GLYR1: variants seen among roughly 807,000 people sequenced by gnomAD.
GLYR1 encodes cytokine-like nuclear factor N-PAC.
In GLYR1, 21 loss-of-function variants were observed where a neutral mutation model predicts 72.7. The observed-to-expected ratio is 0.29, with a 90% CI of 0.20 to 0.42. GLYR1 has a LOEUF of 0.42. GLYR1 is among the 10% of genes least tolerant of loss of function. The probability of loss-of-function intolerance (pLI) is 1.00; values close to 1 mark genes in which losing one functional copy is unlikely to be tolerated. For missense variants in GLYR1, 594 were observed against 712.1 expected (o/e 0.83, Z 1.89); for synonymous variants, 392 against 270.2 (o/e 1.45, Z -4.42).
At chr16:4,834,462 C>T (rs183455787) in intron 3 of GLYR1, among the ~76,000 whole-genome samples, 14 of 151,180 alleles carry the variant, frequency 9.3e-5, no homozygotes, top group Non-Finnish European at 1.6e-4. Context: ...CCACACCTGG[C>T]CTTTTTTTTT....
intron 3 of GLYR1, among the ~76,000 whole-genome samples, chr16:4,835,093 C>G (rs1335072545): frequency 1.3e-5 from 2 of 152,128 alleles, no homozygotes; most frequent in African/African-American, 4.8e-5. Context: ...GAGAACCACA[C>G]AAGTTCCCAA....
At chr16:4,814,012 T>A (rs1219152987) in intron 11 of GLYR1, 174 bp from the exon 12 acceptor site, 1 of 495,860 alleles carries the variant, frequency 2.0e-6, no homozygotes, top group Admixed American at 3.7e-5. Context: ...TCCCGCATGC[T>A]CCCATTTATC....
rs760149977 is a variant in GLYR1, at chr16:4,837,935, A to T, written c.156-5023T>A. ...ACAGAGCGAGACTCCATCTCAAAAA[A>T]TAAATAAATAAATAAATAAATAAAT... On this transcript the variant is annotated intron_variant, in intron 3 of 15. Coordinates refer to ENST00000321919, the MANE Select transcript of GLYR1 (RefSeq NM_032569.4). 6.4e-4 allele frequency among the ~76,000 whole-genome samples: 42 copies of T among 65,648 alleles called. 2 individuals are homozygous for T. The South Asian group carries it at 0.012, about 19-fold the overall frequency. The allele number at this position is 65,648 out of a possible 152,430, so 43.1% of individuals were successfully genotyped here.
chr16:4,816,657 T>C (rs986064139), intron 10 of GLYR1, among the ~76,000 whole-genome samples: 2 of 152,152 alleles, frequency 1.3e-5, no homozygotes, highest in Non-Finnish European at 1.5e-5. Context: ...CAAAGATCTA[T>C]GTTAGTATTT....
At chr16:4,828,775 G>A (rs189737932) in intron 5 of GLYR1, among the ~76,000 whole-genome samples, 43 of 152,186 alleles carry the variant, frequency 2.8e-4, no homozygotes, top group African/African-American at 9.9e-4. Flanking sequence ...TCCTAACGAT[G>A]AGACAAGGAA....
In GLYR1 at chr16:4,813,730, C is replaced by A; in HGVS notation, c.1119+7G>T. On this transcript the variant is annotated splice_region_variant and intron_variant, in intron 12 of 15. Coordinates refer to ENST00000321919, the MANE Select transcript of GLYR1 (RefSeq NM_032569.4). The stretch of plus-strand genomic sequence containing the variant: ...TGCTGGAGAGCCAGCCCAAGGAAGG[C>A]TGCTACCTGGGCCAGCTCAGTGACG... 1 of 1,586,866 alleles carries A rather than the reference C, an allele frequency of 6.3e-7. No homozygotes were observed. The highest frequency in any genetic ancestry group is 8.6e-7 in the Non-Finnish European group (1 of 1,165,710).
chr16:4,804,973 A>G lies in GLYR1; in HGVS notation c.*263T>C, dbSNP rs1770962498. 4 of 474,428 alleles carry G rather than the reference A, an allele frequency of 8.4e-6. No individual in the cohort carries two copies. The highest frequency in any genetic ancestry group is 4.5e-5 in the South Asian group (2 of 44,406). The allele number at this position is 474,428 out of a possible 1,614,324, so 29.4% of individuals were successfully genotyped here. On this transcript the variant is annotated 3_prime_UTR_variant, in exon 16 of 16. Transcript: ENST00000321919. The stretch of plus-strand genomic sequence containing the variant: ...TGTGTGTGTGTGTGTGTGTGTGTGA[A>G]CACACAGCCACCTCGTCCGGGGGGC...
chr16:4,838,591 CTT>C (rs745571978), intron 3 of GLYR1, among the ~76,000 whole-genome samples: 7 of 144,376 alleles, frequency 4.8e-5, no homozygotes, highest in Non-Finnish European at 3.1e-5. Flanking sequence ...TGAAACTTTT[CTT>C]TTTTTTTTTT....
rs1037624970 is a variant in GLYR1 at position 4,845,177 on chromosome 16, A to C, written c.76-24T>G. The C allele has an allele frequency of 1.9e-6, 3 of 1,586,900 alleles. No homozygotes were observed. The South Asian group carries it at 3.3e-5, about 18-fold the overall frequency. On this transcript the variant is annotated intron_variant, in intron 2 of 15. Coordinates refer to ENST00000321919, the MANE Select transcript of GLYR1 (RefSeq NM_032569.4). Reference sequence around the variant, plus strand: ...ATCTGGAGGATAAAAGGGGGGAAAAAGGTTGGCTGGCAACACAGCAGCCCA... The same window carrying C: ...ATCTGGAGGATAAAAGGGGGGAAAACGGTTGGCTGGCAACACAGCAGCCCA...
At chr16:4,831,778 T>G (rs1262037257) in intron 5 of GLYR1, among the ~76,000 whole-genome samples, 1 of 152,238 alleles carries the variant, frequency 6.6e-6, no homozygotes, top group African/African-American at 2.4e-5. Context: ...TCAAGCCATC[T>G]TCCTGACTCA....
chr16:4,809,699 G>A (rs190426461), intron 15 of GLYR1, among the ~76,000 whole-genome samples: 132 of 151,296 alleles, frequency 8.7e-4, no homozygotes, highest in African/African-American at 3.1e-3. Flanking sequence ...TGAGGTGGAC[G>A]GATCACCTGA....
At chr16:4,846,242 C>T in intron 1 of GLYR1, 32 bp from the exon 2 acceptor site, 1 of 1,612,628 alleles carries the variant, frequency 6.2e-7, no homozygotes, top group Non-Finnish European at 8.5e-7. Context: ...AACACTTGCC[C>T]TGCAAAAGCC....
In GLYR1 at chr16:4,805,135, T is replaced by C. The variant is rs184634826; in HGVS notation, c.*101A>G. On this transcript the variant is annotated 3_prime_UTR_variant, in exon 16 of 16. Coordinates refer to ENST00000321919, the MANE Select transcript of GLYR1 (RefSeq NM_032569.4). ...AAGTCTGTATAAAAGGAAATGGAGA[T>C]AGGTGGGCTGGTCCAGAATGAACTC... 62 of 911,220 alleles carry C rather than the reference T, an allele frequency of 6.8e-5. No individual in the cohort carries two copies. In the Admixed American group the frequency reaches 1.0e-3, roughly 15 times the overall value. 56.4% of individuals were successfully genotyped at this position (911,220 alleles called of 1,614,324 possible).
At chr16:4,837,763 C>T (rs970323519) in intron 3 of GLYR1, among the ~76,000 whole-genome samples, 2 of 151,918 alleles carry the variant, frequency 1.3e-5, no homozygotes, top group Non-Finnish European at 1.5e-5. Flanking sequence ...GAAACCCTGT[C>T]TCTACTAAAA....
At chr16:4,821,344 C>G in intron 9 of GLYR1, 36 bp downstream of exon 9, 1 of 1,608,744 alleles carries the variant, frequency 6.2e-7, no homozygotes, top group Non-Finnish European at 8.5e-7. Context: ...TCAGCAGAAC[C>G]AGAGCCACTG....
At position 4,804,995 on chromosome 16, in the gene GLYR1, G is replaced by T; in HGVS notation, c.*241C>A. The T allele has an allele frequency of 1.7e-6, 1 of 574,958 alleles. No homozygotes were observed. 35.6% of individuals were successfully genotyped at this position (574,958 alleles called of 1,614,324 possible). A position where few individuals can be genotyped will look rare whatever the true frequency, so the allele number is the denominator to read the frequency against. On this transcript the variant is annotated 3_prime_UTR_variant, in exon 16 of 16. Transcript: ENST00000321919. ...TGAACACACAGCCACCTCGTCCGGG[G>T]GGCCAGTGCCCAGCTCAAGAGCTTT... is the stretch of plus-strand genomic sequence containing the variant.
Position 4,810,973 on chromosome 16 carries a change from T to C in GLYR1, c.1587+197A>G, listed in dbSNP as rs577814642. 2.6e-5 allele frequency among the ~76,000 whole-genome samples: 4 copies of C among 151,572 alleles called. No homozygotes were observed. The South Asian group carries it at 6.2e-4, about 24-fold the overall frequency. On this transcript the variant is annotated intron_variant, in intron 15 of 15. Transcript: ENST00000321919. ...TACAAAAATTAGCTAGGCATGGTGG[T>C]GGGCACCTATAATCCCAACTACTCA...
rs2082892834 is a variant in GLYR1 at position 4,805,089 on chromosome 16, C to CT, written c.*146dup. ...CTCAGGGGAAGGGTGCTGCTGTGTG[C>CT]TGTGCTGATGGCAAGTCTCAAAGTC... On this transcript the variant is annotated 3_prime_UTR_variant, in exon 16 of 16. Coordinates refer to ENST00000321919, the MANE Select transcript of GLYR1 (RefSeq NM_032569.4). The CT allele has an allele frequency of 1.0e-5, 7 of 695,200 alleles. No homozygotes were observed. The highest frequency in any genetic ancestry group is 1.7e-5 in the African/African-American group (1 of 57,228). The allele number at this position is 695,200 out of a possible 1,614,324, so 43.1% of individuals were successfully genotyped here.
chr16:4,814,515 AG>A, intron 11 of GLYR1, 21 bp downstream of exon 11: 1 of 1,585,324 alleles, frequency 6.3e-7, no homozygotes. Flanking sequence ...GGAGTTGCTG[AG>A]GGGAGGGAGG....
Sources: allele counts gnomAD v4.1 joint callset (sites outside exome capture counted in the v4.1 genomes callset), GRCh38; gene constraint gnomAD v4.1.1; transcripts MANE v1.5; gene names NCBI Gene and HGNC (gene_info 2026-07-23, HGNC 2026-07-21).